WDR72: variants seen among roughly 807,000 people sequenced by gnomAD.
WDR72 encodes the protein WD repeat-containing protein 72.
Under a neutral mutation model 124.2 loss-of-function variants are expected in WDR72, and 120 were observed. That is an observed-to-expected ratio of 0.97 (90% CI 0.83 to 1.12). WDR72 has a LOEUF of 1.12. Among genes scored for constraint, WDR72 ranks in the 50% most tolerant of loss-of-function variants. The pLI, the probability that WDR72 is intolerant of heterozygous loss-of-function variation, is 0.00. For synonymous variants in WDR72, 452 were observed against 441.7 expected (o/e 1.02, Z -0.29); for missense variants, 1,387 against 1,278.8 (o/e 1.08, Z -1.29).
rs1891896792 is a variant in WDR72, at chr15:53,523,226, T to G, written c.3245A>C (p.Glu1082Ala). Reference protein sequence around the residue: ...MPDRCALEESESPGEPRHHSW... With the variant: ...MPDRCALEESASPGEPRHHSW... ...TTTTAAATGGCTTTCACCTGGACTC[T>G]CAGACTCTTCCAAGGCACATCTGTC... is the stretch of plus-strand genomic sequence containing the variant. The change falls in exon 19 of 20, where the codon GAG (glutamate) becomes GCG (alanine). Residue 1082 changes from glutamate to alanine, a missense_variant. By Grantham distance (107) the Glu-to-Ala change is moderately radical. Coordinates refer to ENST00000360509, the MANE Select transcript of WDR72 (RefSeq NM_182758.4). 1.2e-6 allele frequency: 2 copies of G among 1,613,008 alleles called. No homozygotes were observed. Among genetic ancestry groups the G allele is most frequent in the Non-Finnish European group, 8.5e-7 (1 of 1,179,254 alleles).
intron 2 of WDR72, 25 bp from the exon 3 acceptor site, chr15:53,722,933 T>A: frequency 6.3e-7 from 1 of 1,578,192 alleles, no homozygotes. Flanking sequence ...AGTGAGCTTT[T>A]AAATAATTGT....
intron 13 of WDR72, among the ~76,000 whole-genome samples, chr15:53,686,242 T>G (rs887977152): frequency 5.3e-5 from 8 of 151,592 alleles, no homozygotes; most frequent in Middle Eastern, 3.4e-3. Context: ...GACTAAATGC[T>G]CCCATTAAAA....
rs759424132 is a variant in WDR72, at chr15:53,733,066, G to A, written c.84C>T (p.Asp28=). Residue 28 remains aspartate, a synonymous_variant, in exon 2 of 20, where the codon GAC becomes GAT. Transcript: ENST00000360509. ...HSITAIMITD[D]QRTIVTGSQE... is the part of the protein sequence containing the mutation. The stretch of plus-strand genomic sequence containing the variant: ...GACTTCCAGTCACAATCGTTCGCTG[G>A]TCATCAGTGATCATGATGGCAGTGA... The A allele has an allele frequency of 8.1e-6, 13 of 1,613,912 alleles. No individual in the cohort carries two copies. Among genetic ancestry groups the A allele is most frequent in the African/African-American group, 1.3e-5 (1 of 74,884 alleles).
chr15:53,693,362 G>A (rs4143622), intron 13 of WDR72, among the ~76,000 whole-genome samples: 25,348 of 146,802 alleles, frequency 0.17, 2,434 homozygotes, highest in East Asian at 0.44. Flanking sequence ...CTAGTCTATT[G>A]AGGCAAATAC....
chr15:53,543,626 G>T lies in WDR72; in HGVS notation c.3149-20304C>A, dbSNP rs1595747954. On this transcript the variant is annotated intron_variant, in intron 18 of 19. Coordinates refer to ENST00000360509, the MANE Select transcript of WDR72 (RefSeq NM_182758.4). ...AAACACATTCAAAAGCTAGCAGAAG[G>T]CAAGAAATAACTAAAATCAGAGCAG... is the stretch of plus-strand genomic sequence containing the variant. 2.0e-5 allele frequency among the ~76,000 whole-genome samples: 3 copies of T among 150,982 alleles called. No homozygotes were observed. The East Asian group carries it at 5.9e-4, about 30-fold the overall frequency.
chr15:53,607,889 A>T (rs1221445517), intron 17 of WDR72, among the ~76,000 whole-genome samples: 1 of 152,214 alleles, frequency 6.6e-6, no homozygotes, highest in African/African-American at 2.4e-5. Context: ...ACAAAGAATA[A>T]ACAGGCATAT....
intron 14 of WDR72, among the ~76,000 whole-genome samples, chr15:53,625,799 A>C (rs1306891585): frequency 3.1e-5 from 2 of 64,628 alleles, no homozygotes; most frequent in Non-Finnish European, 5.4e-5. Flanking sequence ...CTGTTCAGAC[A>C]AAAAAAAAAA....
At chr15:53,698,528 G>GTA (rs1175400234) in intron 13 of WDR72, among the ~76,000 whole-genome samples, 2 of 152,162 alleles carry the variant, frequency 1.3e-5, no homozygotes, top group Non-Finnish European at 1.5e-5. Flanking sequence ...TAGGAAGGCA[G>GTA]TATTATTACC....
chr15:53,659,735 T>G (rs1244623955), intron 14 of WDR72, among the ~76,000 whole-genome samples: 3 of 152,144 alleles, frequency 2.0e-5, no homozygotes, highest in African/African-American at 7.2e-5. Flanking sequence ...TTACAGAAAT[T>G]TTTATTTAAC....
intron 19 of WDR72, 91 bp downstream of exon 19, chr15:53,523,127 A>G (rs1891888936): frequency 8.4e-7 from 1 of 1,188,274 alleles, no homozygotes; most frequent in African/African-American, 1.5e-5. Flanking sequence ...AAACAGCATT[A>G]CAATGTCCTC....
chr15:53,696,322 A>T (rs74018725), intron 13 of WDR72, among the ~76,000 whole-genome samples: 5,051 of 152,270 alleles, frequency 0.033, 119 homozygotes, highest in East Asian at 0.069. Flanking sequence ...CCTTCACCTG[A>T]GGAGGTGAAA....
chr15:53,524,732 C>G (rs965663594), intron 18 of WDR72, among the ~76,000 whole-genome samples: 1 of 152,090 alleles, frequency 6.6e-6, no homozygotes, highest in African/African-American at 2.4e-5. Context: ...GAATTTACTA[C>G]GTTTCTAAAA....
chr15:53,724,311 A>C (rs75292733), intron 2 of WDR72, among the ~76,000 whole-genome samples: 2,992 of 152,306 alleles, frequency 0.02, 95 homozygotes, highest in African/African-American at 0.067. Context: ...CACACACACA[A>C]AAAATGATTA....
intron 18 of WDR72, among the ~76,000 whole-genome samples, chr15:53,530,604 T>C (rs1892397039): frequency 1.3e-5 from 2 of 151,856 alleles, no homozygotes; most frequent in African/African-American, 4.8e-5. Context: ...TGAAGAACAG[T>C]CAGTAAAGGG....
At chr15:53,707,682 C>A (rs1654296589) in intron 9 of WDR72, among the ~76,000 whole-genome samples, 1 of 152,068 alleles carries the variant, frequency 6.6e-6, no homozygotes, top group African/African-American at 2.4e-5. Context: ...TCCTGACCTC[C>A]TGATCCACCC....
intron 18 of WDR72, among the ~76,000 whole-genome samples, chr15:53,595,820 G>A (rs890232163): frequency 6.6e-6 from 1 of 152,102 alleles, no homozygotes; most frequent in Non-Finnish European, 1.5e-5. Context: ...TTTCACAGAG[G>A]TGAATTTACC....
intron 18 of WDR72, among the ~76,000 whole-genome samples, chr15:53,588,239 G>A (rs2012320970): frequency 6.6e-6 from 1 of 151,968 alleles, no homozygotes; most frequent in Admixed American, 6.6e-5. Context: ...CATTTAATGA[G>A]CACCCATCAT....
intron 1 of WDR72, among the ~76,000 whole-genome samples, chr15:53,744,220 C>G (rs1043933218): frequency 2.6e-5 from 4 of 152,122 alleles, no homozygotes; most frequent in Admixed American, 2.6e-4. Flanking sequence ...GTGAGAGGAA[C>G]TGAAACTTTC....
At chr15:53,540,379 A>C (rs1426835908) in intron 18 of WDR72, among the ~76,000 whole-genome samples, 3 of 152,212 alleles carry the variant, frequency 2.0e-5, no homozygotes, top group Non-Finnish European at 4.4e-5. Flanking sequence ...CCAACATTCC[A>C]GGAATGGAAC....
Sources: gnomAD v4.1 joint callset for allele counts (sites outside exome capture counted in the v4.1 genomes callset) on GRCh38, gnomAD v4.1.1 for gene constraint, MANE v1.5 for transcripts, NCBI Gene and HGNC (gene_info 2026-07-23, HGNC 2026-07-21) for gene names.